Variants in CEP128 observed in about 807,000 individuals in gnomAD.
CEP128 encodes the protein centrosomal protein 128, also known as centrosomal protein 128kDa.
Under a neutral mutation model 156.7 loss-of-function variants are expected in CEP128, and 132 were observed. The observed-to-expected ratio is 0.84, with a 90% CI of 0.73 to 0.97. The LOEUF is 0.97. Among genes scored for constraint, CEP128 ranks in the 50% least tolerant of loss-of-function variants. The pLI, the probability that CEP128 is intolerant of heterozygous loss-of-function variation, is 0.00. For missense variants in CEP128, 1,252 were observed against 1,281.9 expected (o/e 0.98, Z 0.36); for synonymous variants, 469 against 448.9 (o/e 1.04, Z -0.57).
At position 80,916,486 on chromosome 14, in the gene CEP128, G is replaced by A. The variant is rs991106691; in HGVS notation, c.62C>T (p.Ala21Val). 3.1e-6 allele frequency: 5 copies of A among 1,613,942 alleles called. No individual in the cohort carries two copies. Among genetic ancestry groups the A allele is most frequent in the Non-Finnish European group, 4.2e-6 (5 of 1,179,862 alleles). Residue 21 changes from alanine (A) to valine (V), a missense_variant, in exon 3 of 25, where the codon GCT (alanine) becomes GTT (valine). Coordinates refer to ENST00000555265, the MANE Select transcript of CEP128 (RefSeq NM_152446.5). Reference sequence around the variant, plus strand: ...AGTTCCCCTGTGCGTTGATCTGGCAGCCCATGGACTCAATCGGTCACGACA... The same window carrying A: ...AGTTCCCCTGTGCGTTGATCTGGCAACCCATGGACTCAATCGGTCACGACA... Reference protein sequence around the residue: ...FRCRDRLSPWAARSTHRGTRS... With the variant: ...FRCRDRLSPWVARSTHRGTRS...
intron 19 of CEP128, among the ~76,000 whole-genome samples, chr14:80,582,541 G>T (rs1303078087): frequency 1.3e-5 from 2 of 151,972 alleles, no homozygotes; most frequent in Non-Finnish European, 2.9e-5. Flanking sequence ...TTCATAAAGA[G>T]AACAGCTACT....
intron 8 of CEP128, among the ~76,000 whole-genome samples, chr14:80,888,757 A>T (rs925486503): frequency 1.3e-5 from 2 of 152,178 alleles, no homozygotes; most frequent in Admixed American, 6.5e-5. Flanking sequence ...CCTATTCAAC[A>T]TAGTATTGGA....
chr14:80,566,375 C>T (rs1414612587), intron 20 of CEP128, among the ~76,000 whole-genome samples: 1 of 152,098 alleles, frequency 6.6e-6, no homozygotes, highest in Non-Finnish European at 1.5e-5. Context: ...AGCTAGAAGT[C>T]ATTTTATTTG....
At chr14:80,659,521 C>T (rs1326003280) in intron 19 of CEP128, among the ~76,000 whole-genome samples, 2 of 152,150 alleles carry the variant, frequency 1.3e-5, no homozygotes, top group Non-Finnish European at 1.5e-5. Context: ...TTATGGCTTT[C>T]CTTCACTTAA....
Position 80,743,004 on chromosome 14 carries a change from T to A in CEP128, c.2806+71A>T, listed in dbSNP as rs1030797063. Reference sequence around the variant, plus strand: ...CAAAGGGGATGCAACAGAAGTAGGTTTTTTTCCAATCCTAGGATTAGGATT... The same window carrying A: ...CAAAGGGGATGCAACAGAAGTAGGTATTTTTCCAATCCTAGGATTAGGATT... On this transcript the variant is annotated intron_variant, in intron 19 of 24. Transcript: ENST00000555265. 3.4e-5 allele frequency: 49 copies of A among 1,422,886 alleles called. No homozygotes were observed. The Middle Eastern group carries it at 9.7e-4, about 28-fold the overall frequency. 88.1% of individuals were successfully genotyped at this position (1,422,886 alleles called of 1,614,324 possible). A position where few individuals can be genotyped will look rare whatever the true frequency, so the allele number is the denominator to read the frequency against.
intron 19 of CEP128, among the ~76,000 whole-genome samples, chr14:80,682,742 C>T (rs918370205): frequency 6.6e-6 from 1 of 152,190 alleles, no homozygotes; most frequent in Non-Finnish European, 1.5e-5. Flanking sequence ...TAACAGAGGA[C>T]ATCTCAGCAG....
intron 2 of CEP128, among the ~76,000 whole-genome samples, chr14:80,938,628 T>C (rs7149702): frequency 0.37 from 56,459 of 151,706 alleles, 10,588 homozygotes; most frequent in East Asian, 0.51. Flanking sequence ...CAATATGAAA[T>C]CCAAAAAAAG....
At chr14:80,679,278 T>C (rs949173125) in intron 19 of CEP128, among the ~76,000 whole-genome samples, 2 of 152,090 alleles carry the variant, frequency 1.3e-5, no homozygotes, top group Admixed American at 1.3e-4. Context: ...GCCTGCGGGG[T>C]CAGGCAGAAT....
intron 20 of CEP128, among the ~76,000 whole-genome samples, chr14:80,580,062 T>C (rs1891521810): frequency 6.6e-6 from 1 of 152,222 alleles, no homozygotes; most frequent in Admixed American, 6.5e-5. Flanking sequence ...TTCATCTTCA[T>C]TCATCAGTCC....
chr14:80,490,442 G>A (rs1887286899), downstream of CEP128: 1 of 152,112 alleles, frequency 6.6e-6, no homozygotes, highest in African/African-American at 2.4e-5. Context: ...GAAGTTCCTG[G>A]GAGTGAGAGA....
At chr14:80,935,603 A>T (rs867289424) in intron 2 of CEP128, among the ~76,000 whole-genome samples, 6 of 128,442 alleles carry the variant, frequency 4.7e-5, no homozygotes, top group African/African-American at 1.3e-4. Flanking sequence ...AATAAATAAA[A>T]ATAAAGTACT....
chr14:80,807,557 C>T (rs1342713874), intron 13 of CEP128, among the ~76,000 whole-genome samples: 2 of 152,164 alleles, frequency 1.3e-5, no homozygotes, highest in African/African-American at 2.4e-5. Context: ...GAAGACCCAG[C>T]GGGGCTAGGT....
chr14:80,955,734 C>T (rs2139669436), intron 2 of CEP128: 1 of 1,614,134 alleles, frequency 6.2e-7, no homozygotes, highest in African/African-American at 1.3e-5. Context: ...TGCCCAGGGA[C>T]CTGGGCGGAA....
chr14:80,634,720 A>C (rs186069831), intron 19 of CEP128, among the ~76,000 whole-genome samples: 4 of 152,188 alleles, frequency 2.6e-5, no homozygotes, highest in African/African-American at 9.6e-5. Context: ...ATTCTCCTAC[A>C]ATTGTCACTC....
intron 19 of CEP128, among the ~76,000 whole-genome samples, chr14:80,699,128 T>C (rs1026477172): frequency 1.3e-5 from 2 of 152,294 alleles, no homozygotes; most frequent in Non-Finnish European, 1.5e-5. Context: ...AGAGTACACA[T>C]TCCTGTCAGA....
chr14:80,698,508 G>GTTAAC (rs1214411255), intron 19 of CEP128, among the ~76,000 whole-genome samples: 1 of 152,110 alleles, frequency 6.6e-6, no homozygotes, highest in Non-Finnish European at 1.5e-5. Flanking sequence ...ACTTAAAGAA[G>GTTAAC]TTAACTTACC....
intron 8 of CEP128, among the ~76,000 whole-genome samples, chr14:80,863,675 C>G (rs181664096): frequency 5.9e-5 from 9 of 152,206 alleles, no homozygotes; most frequent in Admixed American, 5.9e-4. Flanking sequence ...ATAAGAGAAG[C>G]AATAAACACA....
intron 14 of CEP128, among the ~76,000 whole-genome samples, chr14:80,790,201 G>A (rs556046130): frequency 6.6e-6 from 1 of 151,656 alleles, no homozygotes; most frequent in East Asian, 1.9e-4. Context: ...CAATTATTCT[G>A]CCAATTCAGC....
At chr14:80,768,849 T>C (rs1015086310) in intron 16 of CEP128, among the ~76,000 whole-genome samples, 3 of 152,232 alleles carry the variant, frequency 2.0e-5, no homozygotes, top group African/African-American at 4.8e-5. Flanking sequence ...TAGGAAAGTA[T>C]TGAGCAATAC....
Sources: allele counts gnomAD v4.1 joint callset (sites outside exome capture counted in the v4.1 genomes callset), GRCh38; gene constraint gnomAD v4.1.1; transcripts MANE v1.5; gene names NCBI Gene and HGNC (gene_info 2026-07-23, HGNC 2026-07-21).